The following HTR4 variants were observed in gnomAD, a reference collection of about 807,000 sequenced individuals.
The protein encoded by HTR4 is 5-hydroxytryptamine receptor 4.
In HTR4, 16 loss-of-function variants were observed where a neutral mutation model predicts 36.8. The observed-to-expected ratio is 0.43, with a 90% confidence interval of 0.29 to 0.66. The LOEUF (loss-of-function observed/expected upper bound fraction) is 0.66. Ranked by LOEUF, HTR4 falls within the 30% of genes least tolerant of loss-of-function variation. The probability of loss-of-function intolerance (pLI) is 0.13; values close to 1 mark genes in which losing one functional copy is unlikely to be tolerated. For missense variants in HTR4, 438 were observed against 490.9 expected, an observed-to-expected ratio of 0.89 and a Z score of 1.02; for synonymous variants, 189 against 185.1, an observed-to-expected ratio of 1.02 and a Z score of -0.17.
At chr5:148,520,983 G>A (rs1757986113) in intron 5 of HTR4, 1 of 1,367,570 alleles carries the variant, frequency 7.3e-7, no homozygotes, top group Non-Finnish European at 9.8e-7. Context: ...GAACAAGGCA[G>A]GACTAAGGGC....
chr5:148,454,207 T>A (rs1755043100), intron 5 of HTR4, among the ~76,000 whole-genome samples: 1 of 152,192 alleles, frequency 6.6e-6, no homozygotes, highest in Non-Finnish European at 1.5e-5. Context: ...TTTCTATACC[T>A]CTGTAACTGA....
At chr5:148,565,915 A>C (rs1166831166) in intron 2 of HTR4, among the ~76,000 whole-genome samples, 1 of 152,186 alleles carries the variant, frequency 6.6e-6, no homozygotes, top group Non-Finnish European at 1.5e-5. Context: ...AACCTGGCAA[A>C]TCTAAGAACT....
intron 5 of HTR4, among the ~76,000 whole-genome samples, chr5:148,465,697 T>C (rs934204868): frequency 2.6e-5 from 4 of 152,158 alleles, no homozygotes; most frequent in Non-Finnish European, 5.9e-5. Flanking sequence ...TGAAACTATA[T>C]TAATATGGGC....
Position 148,556,076 on chromosome 5 carries a change from T to C in HTR4, c.27-5814A>G, listed in dbSNP as rs575423118. On this transcript the variant is annotated intron_variant, in intron 2 of 6. Transcript: ENST00000377888. ...TCTTGCCCTGTCCCCCAAGCTGGAG[T>C]GCAGTGGCACAATCTCAGCTCACTG... Among the ~76,000 whole-genome samples, 6 of 152,242 alleles carry C rather than the reference T, an allele frequency of 3.9e-5. No homozygotes were observed. In the East Asian group the frequency reaches 1.2e-3, roughly 29 times the overall value.
intron 4 of HTR4, among the ~76,000 whole-genome samples, chr5:148,544,261 TTC>T (rs1006576937): frequency 1.4e-4 from 21 of 150,180 alleles, no homozygotes; most frequent in Non-Finnish European, 2.7e-4. Flanking sequence ...CTCTCTTTCT[TTC>T]TCTCTCTCTC....
chr5:148,560,926 A>C (rs768214462), intron 2 of HTR4, among the ~76,000 whole-genome samples: 7 of 152,218 alleles, frequency 4.6e-5, no homozygotes, highest in Non-Finnish European at 7.3e-5. Context: ...CAAAATACTG[A>C]TGATGACAGC....
intron 5 of HTR4, among the ~76,000 whole-genome samples, chr5:148,469,344 C>T (rs1216498882): frequency 6.6e-6 from 1 of 152,208 alleles, no homozygotes; most frequent in African/African-American, 2.4e-5. Context: ...CCACTGTGAT[C>T]TTAACTTTGT....
intron 6 of HTR4, among the ~76,000 whole-genome samples, chr5:148,504,581 G>T (rs1424979974): frequency 6.6e-6 from 1 of 152,178 alleles, no homozygotes; most frequent in Non-Finnish European, 1.5e-5. Context: ...ACAATTAAAA[G>T]AACTAGAGCA....
intron 2 of HTR4, among the ~76,000 whole-genome samples, chr5:148,616,297 A>T (rs767055789): frequency 6.6e-6 from 1 of 152,226 alleles, no homozygotes; most frequent in Non-Finnish European, 1.5e-5. Flanking sequence ...AATTTGACAC[A>T]GTGTGTTATA....
chr5:148,613,786 T>C lies in HTR4; in HGVS notation c.26+23203A>G, dbSNP rs1389974932. Among the ~76,000 whole-genome samples the C allele has an allele frequency of 5.5e-4, 82 of 149,592 alleles. 1 individual carries two copies. In the East Asian group the frequency reaches 0.014, roughly 26 times the overall value. On this transcript the variant is annotated intron_variant, in intron 2 of 6. Coordinates refer to ENST00000377888, the MANE Select transcript of HTR4 (RefSeq NM_000870.7). ...TGATTGTATATCTAGAAAACCCCATTGTCTCAGCCCAAAATCTCCTTAAGC... is the reference window on the plus strand; with the variant it reads ...TGATTGTATATCTAGAAAACCCCATCGTCTCAGCCCAAAATCTCCTTAAGC...
At chr5:148,607,667 G>A (rs1752236747) in intron 2 of HTR4, among the ~76,000 whole-genome samples, 2 of 152,110 alleles carry the variant, frequency 1.3e-5, no homozygotes, top group South Asian at 4.2e-4. Context: ...TCTGACCACA[G>A]TAATTAGTTC....
chr5:148,560,164 TTTTTC>T lies in HTR4; in HGVS notation c.27-9907_27-9903del, dbSNP rs147205836. 8.1e-3 allele frequency among the ~76,000 whole-genome samples: 1,217 copies of T among 150,954 alleles called. 14 individuals carry two copies. The highest frequency in any genetic ancestry group is 0.027 in the African/African-American group (1,125 of 40,984). ...AGTTCTCAGGTCTCCCAGTTAACGT[TTTTTC>T]TTTTCTTTTTTCTTTTTTACGGAAA... On this transcript the variant is annotated intron_variant, in intron 2 of 6. Transcript: ENST00000377888.
At chr5:148,462,559 T>C (rs747656808) in intron 5 of HTR4, among the ~76,000 whole-genome samples, 7 of 152,092 alleles carry the variant, frequency 4.6e-5, no homozygotes, top group African/African-American at 9.7e-5. Context: ...CAGGCTGAGA[T>C]GGGTTCACTG....
chr5:148,544,677 G>A lies in HTR4; in HGVS notation c.353+3991C>T, dbSNP rs537874894. ...TATATGGTGCATTTATTTTAATTATGCTTTGGAAATTATTTTTAAGGAGGC... is the reference window on the plus strand; with the variant it reads ...TATATGGTGCATTTATTTTAATTATACTTTGGAAATTATTTTTAAGGAGGC... On this transcript the variant is annotated intron_variant, in intron 4 of 6. Coordinates refer to ENST00000377888, the MANE Select transcript of HTR4 (RefSeq NM_000870.7). Among the ~76,000 whole-genome samples, 7 of 152,174 alleles carry A rather than the reference G, an allele frequency of 4.6e-5. No individual in the cohort carries two copies. In the East Asian group the frequency reaches 1.4e-3, roughly 29 times the overall value.
intron 1 of HTR4, among the ~76,000 whole-genome samples, chr5:148,641,928 C>T (rs1753740541): frequency 6.6e-6 from 1 of 152,160 alleles, no homozygotes; most frequent in Non-Finnish European, 1.5e-5. Context: ...GAATAGTCCC[C>T]ACCTACTGGA....
chr5:148,537,166 A>G (rs1323531941), intron 4 of HTR4, among the ~76,000 whole-genome samples: 1 of 152,220 alleles, frequency 6.6e-6, no homozygotes, highest in Non-Finnish European at 1.5e-5. Flanking sequence ...TTAAGGCAGA[A>G]ATCAAGAAGT....
At chr5:148,515,389 C>G (rs139322627) in intron 5 of HTR4, among the ~76,000 whole-genome samples, 2,386 of 152,242 alleles carry the variant, frequency 0.016, 34 homozygotes, top group Middle Eastern at 0.048. Context: ...AGTCAACGTT[C>G]TCTTACACTA....
At chr5:148,607,179 T>C (rs534500896) in intron 2 of HTR4, among the ~76,000 whole-genome samples, 1 of 152,298 alleles carries the variant, frequency 6.6e-6, no homozygotes, top group South Asian at 2.1e-4. Flanking sequence ...TCCTCACTTG[T>C]AAAATGAGAT....
chr5:148,630,163 C>A (rs554847983), intron 2 of HTR4: 1 of 152,322 alleles, frequency 6.6e-6, no homozygotes, highest in African/African-American at 2.4e-5. Context: ...TGCACTAAAT[C>A]TCCGTTTGCT....
Sources: allele counts gnomAD v4.1 joint callset (sites outside exome capture counted in the v4.1 genomes callset), GRCh38; gene constraint gnomAD v4.1.1; transcripts MANE v1.5; gene names NCBI Gene and HGNC (gene_info 2026-07-23, HGNC 2026-07-21).